The following MAML3 variants were observed in gnomAD, a reference collection of about 807,000 sequenced individuals.
The protein encoded by MAML3 is mastermind like transcriptional coactivator 3.
Under a neutral mutation model 101.9 loss-of-function variants are expected in MAML3, and 27 were observed. That is an observed-to-expected ratio of 0.27 (90% CI 0.20 to 0.37). MAML3 has a LOEUF of 0.37. MAML3 is among the 10% of genes least tolerant of loss of function. The probability of loss-of-function intolerance (pLI) is 1.00; values close to 1 mark genes in which losing one functional copy is unlikely to be tolerated. For missense variants in MAML3, 1,316 were observed against 1,444.9 expected, an observed-to-expected ratio of 0.91 and a Z score of 1.45; for synonymous variants, 501 against 555.9, an observed-to-expected ratio of 0.90 and a Z score of 1.39.
intron 1 of MAML3, among the ~76,000 whole-genome samples, chr4:140,024,662 A>AT (rs1726790868): frequency 6.6e-6 from 1 of 152,188 alleles, no homozygotes; most frequent in South Asian, 2.1e-4. Flanking sequence ...ACCACCAAAA[A>AT]ATATATATAA....
intron 3 of MAML3, among the ~76,000 whole-genome samples, chr4:139,729,429 G>C (rs573200158): frequency 8.5e-5 from 13 of 152,184 alleles, no homozygotes; most frequent in African/African-American, 3.1e-4. Flanking sequence ...AGACCAGCCT[G>C]GTCAACATAG....
chr4:139,898,171 G>A (rs1366170114), intron 1 of MAML3, among the ~76,000 whole-genome samples: 1 of 152,164 alleles, frequency 6.6e-6, no homozygotes, highest in African/African-American at 2.4e-5. Flanking sequence ...GCTAAAAAGA[G>A]CTCTCAAATA....
intron 1 of MAML3, among the ~76,000 whole-genome samples, chr4:139,926,700 T>C (rs1733270173): frequency 6.6e-6 from 1 of 152,256 alleles, no homozygotes; most frequent in Non-Finnish European, 1.5e-5. Context: ...TTTAAACTTT[T>C]TTGACTTACA....
rs1346279140 is a variant in MAML3, at chr4:140,153,945, A to C, written c.-618T>G. The C allele has an allele frequency of 6.5e-6, 1 of 153,312 alleles. No individual in the cohort carries two copies. The highest frequency in any genetic ancestry group is 2.4e-5 in the African/African-American group (1 of 41,444). The allele number at this position is 153,312 out of a possible 1,614,324, so 9.5% of individuals were successfully genotyped here. ...GCATTTCACAGGAACCTAGATATCGAATCCTCGGGCTGGGGGAAGTAAACA... is the reference window on the plus strand; with the variant it reads ...GCATTTCACAGGAACCTAGATATCGCATCCTCGGGCTGGGGGAAGTAAACA... On this transcript the variant is annotated 5_prime_UTR_variant, in exon 1 of 5. The change creates a new upstream start codon in the 5' untranslated region. Coordinates refer to ENST00000509479, the MANE Select transcript of MAML3 (RefSeq NM_018717.5).
intron 2 of MAML3, among the ~76,000 whole-genome samples, chr4:139,768,866 A>G (rs1729918224): frequency 6.6e-6 from 1 of 152,162 alleles, no homozygotes; most frequent in South Asian, 2.1e-4. Context: ...GGTTAATTAT[A>G]TATTTTCCCC....
intron 4 of MAML3, 51 bp downstream of exon 4, chr4:139,725,700 T>TA (rs1191014707): frequency 1.9e-6 from 3 of 1,556,426 alleles, no homozygotes; most frequent in Admixed American, 3.4e-5. Flanking sequence ...CACATTCACT[T>TA]ACGCTTCACC....
chr4:139,841,651 T>C (rs770410511), intron 2 of MAML3, among the ~76,000 whole-genome samples: 2 of 152,222 alleles, frequency 1.3e-5, no homozygotes, highest in Non-Finnish European at 2.9e-5. Context: ...GCTGGTTTTT[T>C]ACAAGCGCTG....
intron 2 of MAML3, among the ~76,000 whole-genome samples, chr4:139,872,847 G>A (rs1468299371): frequency 6.6e-6 from 1 of 152,134 alleles, no homozygotes; most frequent in East Asian, 1.9e-4. Flanking sequence ...GGAGGCTGAG[G>A]TGGGTAGATC....
Position 139,719,638 on chromosome 4 carries a change from G to C in MAML3, c.3102C>G (p.Leu1034=), listed in dbSNP as rs1728147622. The C allele has an allele frequency of 1.2e-6, 2 of 1,612,494 alleles. No homozygotes were observed. The highest frequency in any genetic ancestry group is 1.7e-6 in the Non-Finnish European group (2 of 1,179,392). ...AAMGRQMMPS[L]PGQQGTSQAR... is the part of the protein sequence containing the mutation. ...CCTGGCTGGTGCCTTGCTGCCCCGG[G>C]AGCGATGGCATCATCTGCCGACCCA... is the stretch of plus-strand genomic sequence containing the variant. The change falls in exon 5 of 5, where the codon CTC becomes CTG. Residue 1034 remains leucine (L), a synonymous_variant. Transcript: ENST00000509479.
At chr4:140,001,545 G>A (rs1244370388) in intron 1 of MAML3, among the ~76,000 whole-genome samples, 1 of 152,164 alleles carries the variant, frequency 6.6e-6, no homozygotes, top group African/African-American at 2.4e-5. Flanking sequence ...CTTATGTAAA[G>A]AACAGCTCAA....
chr4:139,836,650 G>A (rs1440194621), intron 2 of MAML3, among the ~76,000 whole-genome samples: 6 of 152,056 alleles, frequency 3.9e-5, no homozygotes. Context: ...ATGGCGAGGG[G>A]CCTTTCTGGC....
chr4:139,990,008 T>C (rs1449813831), intron 1 of MAML3, among the ~76,000 whole-genome samples: 2 of 152,172 alleles, frequency 1.3e-5, no homozygotes, highest in Non-Finnish European at 2.9e-5. Context: ...AAATCAGGAC[T>C]GTAAGAAAAG....
At chr4:139,867,978 TCTTC>T (rs1351192482) in intron 2 of MAML3, among the ~76,000 whole-genome samples, 2 of 152,240 alleles carry the variant, frequency 1.3e-5, no homozygotes, top group Non-Finnish European at 2.9e-5. Flanking sequence ...AATTGAGTTC[TCTTC>T]CTTCACATTT....
At chr4:139,879,316 A>G (rs1732173375) in intron 2 of MAML3, among the ~76,000 whole-genome samples, 1 of 151,962 alleles carries the variant, frequency 6.6e-6, no homozygotes, top group Non-Finnish European at 1.5e-5. Flanking sequence ...ACTTGAGGTC[A>G]GGAGTTCGAG....
intron 1 of MAML3, among the ~76,000 whole-genome samples, chr4:140,101,323 A>C (rs1728249015): frequency 6.6e-6 from 1 of 152,194 alleles, no homozygotes; most frequent in Non-Finnish European, 1.5e-5. Flanking sequence ...TAAAGGGAGG[A>C]AAGTGGCCTT....
intron 1 of MAML3, among the ~76,000 whole-genome samples, chr4:140,047,714 AC>A (rs1213168796): frequency 4.5e-5 from 3 of 67,144 alleles, no homozygotes; most frequent in African/African-American, 6.0e-5. Flanking sequence ...ATTTACACCC[AC>A]CCCCCACCCC....
chr4:140,059,698 G>A lies in MAML3; in HGVS notation c.468+93162C>T, dbSNP rs116658936. ...ATATTAGCATATTCCTCACTGAGAG[G>A]AGGCTGGGGTGAAAACTGACCTATA... is the stretch of plus-strand genomic sequence containing the variant. On this transcript the variant is annotated intron_variant, in intron 1 of 4. Coordinates refer to ENST00000509479, the MANE Select transcript of MAML3 (RefSeq NM_018717.5). Among the ~76,000 whole-genome samples, 1,313 of 152,282 alleles carry A rather than the reference G, an allele frequency of 8.6e-3. 26 individuals carry two copies. Among genetic ancestry groups the A allele is most frequent in the African/African-American group, 0.029 (1,188 of 41,538 alleles).
At chr4:139,841,862 C>T (rs568526241) in intron 2 of MAML3, among the ~76,000 whole-genome samples, 4 of 152,328 alleles carry the variant, frequency 2.6e-5, no homozygotes, top group South Asian at 2.1e-4. Flanking sequence ...CATGTGTCCA[C>T]GGTGAGCAGC....
chr4:139,772,735 T>C (rs1255801346), intron 2 of MAML3, among the ~76,000 whole-genome samples: 1 of 152,132 alleles, frequency 6.6e-6, no homozygotes, highest in African/African-American at 2.4e-5. Context: ...AGTCAGTCAA[T>C]GTTCTGTCAC....
Sources: gnomAD v4.1 joint callset for allele counts (sites outside exome capture counted in the v4.1 genomes callset) on GRCh38, gnomAD v4.1.1 for gene constraint, MANE v1.5 for transcripts, NCBI Gene and HGNC (gene_info 2026-07-23, HGNC 2026-07-21) for gene names.